Variants in LRRTM4 observed in about 807,000 individuals in gnomAD.
LRRTM4 encodes the protein leucine-rich repeat transmembrane neuronal protein 4.
In LRRTM4, 25 loss-of-function variants were observed where a neutral mutation model predicts 47.6. The ratio of observed to expected loss-of-function variants is 0.53; its 90% confidence interval spans 0.38 to 0.73. The LOEUF (loss-of-function observed/expected upper bound fraction) is 0.73. Among genes scored for constraint, LRRTM4 ranks in the 30% least tolerant of loss-of-function variants. LRRTM4 has a pLI of 0.00. For missense variants in LRRTM4, 638 were observed against 713.4 expected, an observed-to-expected ratio of 0.89 and a Z score of 1.20; for synonymous variants, 311 against 269.5, an observed-to-expected ratio of 1.15 and a Z score of -1.51.
At chr2:77,065,899 A>G (rs1357859254) in intron 3 of LRRTM4, among the ~76,000 whole-genome samples, 1 of 152,170 alleles carries the variant, frequency 6.6e-6, no homozygotes, top group East Asian at 1.9e-4. Context: ...ATGAAATGAG[A>G]TCATACATGT....
intron 3 of LRRTM4, among the ~76,000 whole-genome samples, chr2:77,306,486 C>T (rs1160519901): frequency 2.0e-5 from 3 of 152,186 alleles, no homozygotes; most frequent in African/African-American, 7.2e-5. Flanking sequence ...TGGGAGCAGA[C>T]ATATCCCAAA....
chr2:77,188,978 T>C (rs909981986), intron 3 of LRRTM4, among the ~76,000 whole-genome samples: 2 of 152,216 alleles, frequency 1.3e-5, no homozygotes, highest in African/African-American at 4.8e-5. Context: ...TTGATAGTAG[T>C]AATTTCTTCA....
intron 3 of LRRTM4, among the ~76,000 whole-genome samples, chr2:77,062,977 CAG>C (rs1295089561): frequency 6.8e-5 from 9 of 131,744 alleles, no homozygotes; most frequent in East Asian, 4.4e-4. Context: ...TTTTTTGAGA[CAG>C]AGTCTTGCTC....
At chr2:77,048,748 A>C (rs1405598752) in intron 3 of LRRTM4, among the ~76,000 whole-genome samples, 1 of 151,848 alleles carries the variant, frequency 6.6e-6, no homozygotes, top group South Asian at 2.1e-4. Context: ...CTATCATCTC[A>C]TTTATTGTTT....
intron 3 of LRRTM4, among the ~76,000 whole-genome samples, chr2:76,988,143 T>A (rs1676868730): frequency 1.3e-5 from 2 of 151,834 alleles, no homozygotes; most frequent in South Asian, 4.1e-4. Context: ...TACTATGGGT[T>A]TTCTTGTGTT....
At chr2:77,471,063 T>C (rs2103992740) in intron 3 of LRRTM4, among the ~76,000 whole-genome samples, 1 of 152,256 alleles carries the variant, frequency 6.6e-6, no homozygotes, top group African/African-American at 2.4e-5. Context: ...TATATCTAGT[T>C]CAGGCCTTTT....
chr2:77,082,607 C>G (rs149513573), intron 3 of LRRTM4, among the ~76,000 whole-genome samples: 1 of 151,954 alleles, frequency 6.6e-6, no homozygotes, highest in African/African-American at 2.4e-5. Context: ...AAGTGAAAAA[C>G]AGTAAAGATA....
chr2:76,922,099 A>C (rs1335847972), intron 3 of LRRTM4, among the ~76,000 whole-genome samples: 2 of 152,176 alleles, frequency 1.3e-5, no homozygotes, highest in Non-Finnish European at 2.9e-5. Context: ...GCAACAACGT[A>C]GGTGAACCTA....
chr2:77,035,704 T>C (rs1051030156), intron 3 of LRRTM4, among the ~76,000 whole-genome samples: 2 of 151,872 alleles, frequency 1.3e-5, no homozygotes, highest in Non-Finnish European at 2.9e-5. Context: ...GGCTGTTGCA[T>C]GCATCAATAG....
At chr2:77,318,003 T>A (rs1282154884) in intron 3 of LRRTM4, among the ~76,000 whole-genome samples, 3 of 98,036 alleles carry the variant, frequency 3.1e-5, no homozygotes, top group Admixed American at 1.9e-4. Flanking sequence ...CCTAACACTT[T>A]TTTTTTTTTT....
rs754314720 is a variant in LRRTM4, at chr2:76,819,569, T to C, written c.1552-70653A>G. 6.9e-4 allele frequency among the ~76,000 whole-genome samples: 105 copies of C among 152,014 alleles called. 1 individual carries two copies. Among genetic ancestry groups the C allele is most frequent in the Admixed American group, 4.6e-3 (70 of 15,230 alleles). On this transcript the variant is annotated intron_variant, in intron 3 of 3. Coordinates refer to ENST00000409884, the MANE Select transcript of LRRTM4 (RefSeq NM_001134745.3). ...TTGACAGATTTCTCACTTCATAATA[T>C]TTTTGAAAATATCTATTTCAAGATA...
chr2:76,949,664 C>A (rs1675436206), intron 3 of LRRTM4, among the ~76,000 whole-genome samples: 1 of 151,866 alleles, frequency 6.6e-6, no homozygotes, highest in Non-Finnish European at 1.5e-5. Flanking sequence ...GTATCCAGTT[C>A]CTCTGTGTTT....
At chr2:77,021,434 C>A (rs1011987167) in intron 3 of LRRTM4, among the ~76,000 whole-genome samples, 6 of 152,108 alleles carry the variant, frequency 3.9e-5, no homozygotes, top group Non-Finnish European at 8.8e-5. Context: ...CAAGATAATG[C>A]TTTTTCAAAT....
intron 3 of LRRTM4, among the ~76,000 whole-genome samples, chr2:77,280,032 T>A (rs1676466860): frequency 6.6e-6 from 1 of 152,146 alleles, no homozygotes; most frequent in South Asian, 2.1e-4. Context: ...TGGCAAAGGA[T>A]AATTAAGTTT....
intron 3 of LRRTM4, among the ~76,000 whole-genome samples, chr2:77,219,455 C>G (rs1401522670): frequency 6.6e-6 from 1 of 152,038 alleles, no homozygotes; most frequent in Admixed American, 6.6e-5. Context: ...TATCAGGAAA[C>G]ATACAGGAAA....
chr2:77,220,104 G>A (rs1377322202), intron 3 of LRRTM4, among the ~76,000 whole-genome samples: 1 of 152,200 alleles, frequency 6.6e-6, no homozygotes, highest in African/African-American at 2.4e-5. Context: ...AGGGTCTGGA[G>A]TGGACCTCCA....
intron 3 of LRRTM4, among the ~76,000 whole-genome samples, chr2:77,014,521 G>C (rs1039165534): frequency 2.2e-5 from 3 of 136,952 alleles, no homozygotes; most frequent in Admixed American, 7.6e-5. Flanking sequence ...TATATATAAA[G>C]ATTTTATAGG....
intron 3 of LRRTM4, among the ~76,000 whole-genome samples, chr2:77,515,186 A>G (rs1366017142): frequency 6.6e-6 from 1 of 151,860 alleles, no homozygotes; most frequent in African/African-American, 2.4e-5. Flanking sequence ...ACTCATAACT[A>G]TCTACTCTAT....
At chr2:77,369,055 C>A (rs892223664) in intron 3 of LRRTM4, among the ~76,000 whole-genome samples, 2 of 151,696 alleles carry the variant, frequency 1.3e-5, no homozygotes, top group African/African-American at 4.8e-5. Flanking sequence ...GAGGTAATAT[C>A]TCCTAGTGGT....
Sources: gnomAD v4.1 joint callset for allele counts (sites outside exome capture counted in the v4.1 genomes callset) on GRCh38, gnomAD v4.1.1 for gene constraint, MANE v1.5 for transcripts, NCBI Gene and HGNC (gene_info 2026-07-23, HGNC 2026-07-21) for gene names.